Variants in TEP1 observed in about 807,000 individuals in gnomAD.
TEP1 encodes telomerase protein component 1.
TEP1 carries 241 observed loss-of-function variants against 306.3 expected under a neutral mutation model. That is an observed-to-expected ratio of 0.79 (90% CI 0.71 to 0.88). The LOEUF (loss-of-function observed/expected upper bound fraction) is 0.88, where lower values mean the gene tolerates loss of function less well. TEP1 is among the 40% of genes least tolerant of loss of function. The pLI, the probability that TEP1 is intolerant of heterozygous loss-of-function variation, is 0.00. For missense variants in TEP1, 3,051 were observed against 3,276.1 expected, an observed-to-expected ratio of 0.93 and a Z score of 1.68; for synonymous variants, 1,289 against 1,305.5, an observed-to-expected ratio of 0.99 and a Z score of 0.27.
intron 7 of TEP1, among the ~76,000 whole-genome samples, chr14:20,402,806 A>G (rs114848862): frequency 0.027 from 4,072 of 152,284 alleles, 182 homozygotes; most frequent in African/African-American, 0.093. Context: ...TGAAAGGTAT[A>G]TATTTCATAA....
intron 17 of TEP1, 129 bp downstream of exon 17, chr14:20,389,109 C>T: frequency 1.2e-6 from 1 of 821,928 alleles, no homozygotes; most frequent in South Asian, 1.7e-5. Context: ...GATTGTGCCA[C>T]TGCACTCCAG....
Position 20,371,157 on chromosome 14 carries a change from G to T in TEP1, c.7317+61C>A, listed in dbSNP as rs759843238. ...CCCTATCCTCCATGACGGGCCCCAA[G>T]GTGTAAAAACACTGGTCCTAGACGA... is the stretch of plus-strand genomic sequence containing the variant. On this transcript the variant is annotated intron_variant, in intron 51 of 54. Transcript: ENST00000262715. 14 of 1,441,624 alleles carry T rather than the reference G, an allele frequency of 9.7e-6. 1 individual carries two copies. In the African/African-American group the frequency reaches 1.7e-4, roughly 17 times the overall value. The allele number at this position is 1,441,624 out of a possible 1,614,324, so 89.3% of individuals were successfully genotyped here. A position where few individuals can be genotyped will look rare whatever the true frequency, so the allele number is the denominator to read the frequency against.
chr14:20,371,270 T>G lies in TEP1; in HGVS notation c.7265A>C (p.Glu2422Ala), dbSNP rs1233100851. 1.9e-6 allele frequency: 3 copies of G among 1,614,222 alleles called. No homozygotes were observed. In the South Asian group the frequency reaches 3.3e-5, roughly 18 times the overall value. ...ENPMILSTHK[E>A]YGIFVLQPKD... is the part of the protein sequence containing the mutation. ...GGGCTGCAGGACAAATATGCCATAC[T>G]CCTTGTGGGTGGACAATATCATAGG... The change falls in exon 51 of 55, where the codon GAG becomes GCG. Residue 2422 changes from glutamate (E) to alanine (A), a missense_variant. Transcript: ENST00000262715.
At position 20,378,791 on chromosome 14, in the gene TEP1, C is replaced by A. The variant is rs8022805; in HGVS notation, c.5315G>T (p.Arg1772Leu). The A allele has an allele frequency of 6.2e-7, 1 of 1,614,028 alleles. No homozygotes were observed. Among genetic ancestry groups the A allele is most frequent in the Non-Finnish European group, 8.5e-7 (1 of 1,180,002 alleles). ...ITGCCLSPDC[R>L]LLATVCLGGC... ...TCCCAAGCACACGGTGGCTAGCAGC[C>A]GGCAGTCTGGGCTCAGGCAGCAGCC... The change falls in exon 37 of 55, where the codon CGG becomes CTG. Residue 1772 changes from arginine to leucine, a missense_variant. Arg to Leu is a moderately radical substitution (Grantham distance 102). This residue lies in a region of TEP1 where 1,540 missense variants were observed against 1,705.9 expected (regional missense o/e 0.90). Transcript: ENST00000262715.
intron 9 of TEP1, among the ~76,000 whole-genome samples, chr14:20,397,210 G>A (rs1878278963): frequency 6.6e-6 from 1 of 152,130 alleles, no homozygotes; most frequent in South Asian, 2.1e-4. Context: ...TTTTTAGATG[G>A]CCAAAAGAGA....
chr14:20,369,308 C>T (rs1478528994), intron 53 of TEP1, 36 bp downstream of exon 53: 11 of 1,610,004 alleles, frequency 6.8e-6, no homozygotes, highest in Non-Finnish European at 7.6e-6. Context: ...GCTCCCAGCC[C>T]TCCCCTAGTA....
chr14:20,405,898 C>T (rs1302067286), intron 3 of TEP1, among the ~76,000 whole-genome samples: 2 of 151,502 alleles, frequency 1.3e-5, no homozygotes, highest in African/African-American at 4.9e-5. Context: ...CCTGTAATTC[C>T]AGCTACTCAG....
intron 11 of TEP1, 42 bp from the exon 12 acceptor site, chr14:20,395,669 T>C (rs1284663791): frequency 7.0e-6 from 11 of 1,571,888 alleles, no homozygotes; most frequent in Non-Finnish European, 9.6e-6. Context: ...GCAGCTTCTA[T>C]TCCCTCATCT....
At position 20,406,392 on chromosome 14, in the gene TEP1, C is replaced by G; in HGVS notation, c.576G>C (p.Trp192Cys). 1.2e-6 allele frequency: 2 copies of G among 1,614,044 alleles called. No individual in the cohort carries two copies. The highest frequency in any genetic ancestry group is 1.7e-6 in the Non-Finnish European group (2 of 1,179,992). ...ETAQEATLGRWFDSEEKKGAE... is the reference protein window; with the variant it reads ...ETAQEATLGRCFDSEEKKGAE... ...CCCCTTTCTTCTCTTCTGAATCAAA[C>G]CAACGACCCTGGGGTAGTAGTGGCA... Residue 192 changes from tryptophan to cysteine, a missense_variant, in exon 3 of 55, where the codon TGG becomes TGC. Physicochemically the swap from Trp to Cys is radical, Grantham distance 215. Coordinates refer to ENST00000262715, the MANE Select transcript of TEP1 (RefSeq NM_007110.5).
intron 12 of TEP1, among the ~76,000 whole-genome samples, chr14:20,395,056 A>G (rs1878077853): frequency 6.6e-6 from 1 of 152,216 alleles, no homozygotes; most frequent in Non-Finnish European, 1.5e-5. Flanking sequence ...AAAAAGATGA[A>G]TGGGTCAAAA....
chr14:20,368,578 T>G lies in TEP1; in HGVS notation c.7762-19A>C, dbSNP rs1035804298. On this transcript the variant is annotated intron_variant, in intron 54 of 54. Transcript: ENST00000262715. ...GGCCCAGCTACGATGGGAACAAAAATAGGGGAGGTCAGGGCTACAAGCCTC... is the reference window on the plus strand; with the variant it reads ...GGCCCAGCTACGATGGGAACAAAAAGAGGGGAGGTCAGGGCTACAAGCCTC... The G allele has an allele frequency of 8.1e-6, 13 of 1,613,746 alleles. No homozygotes were observed. The Admixed American group carries it at 1.2e-4, about 14-fold the overall frequency.
chr14:20,403,758 C>T lies in TEP1; in HGVS notation c.1159G>A (p.Ala387Thr). The T allele has an allele frequency of 6.2e-7, 1 of 1,614,026 alleles. No individual in the cohort carries two copies. ...LAKYNPRKHR[A>T]KRHPRRPPRS... ...GGTGGCCGGCGGGGGTGTCTCTTGG[C>T]CCGGTGCTTCCGAGGGTTGTACTTA... Residue 387 changes from alanine (A) to threonine (T), a missense_variant, in exon 6 of 55, where the codon GCC becomes ACC. Coordinates refer to ENST00000262715, the MANE Select transcript of TEP1 (RefSeq NM_007110.5).
chr14:20,374,472 T>A lies in TEP1; in HGVS notation c.6428A>T (p.Gln2143Leu). 1 of 1,613,526 alleles carries A rather than the reference T, an allele frequency of 6.2e-7. No individual in the cohort carries two copies. The highest frequency in any genetic ancestry group is 8.5e-7 in the Non-Finnish European group (1 of 1,179,948). ...CACAGCACTCTGATGACCCAGGAAC[T>A]GACCAAGCCGCTGTCCTGACTCTGG... Reference protein sequence around the residue: ...WDPESGQRLGQFLGHQSAVSA... With the variant: ...WDPESGQRLGLFLGHQSAVSA... The change falls in exon 44 of 55, where the codon CAG (glutamine) becomes CTG (leucine). Residue 2143 changes from glutamine to leucine, a missense_variant. By Grantham distance (113) the Gln-to-Leu change is moderately radical. Transcript: ENST00000262715.
rs1339292229 is a variant in TEP1, at chr14:20,403,897, G to C, written c.1033-13C>G. 1.9e-6 allele frequency: 3 copies of C among 1,614,020 alleles called. No homozygotes were observed. In the South Asian group the frequency reaches 3.3e-5, roughly 18 times the overall value. On this transcript the variant is annotated splice_polypyrimidine_tract_variant and intron_variant, in intron 5 of 54. Coordinates refer to ENST00000262715, the MANE Select transcript of TEP1 (RefSeq NM_007110.5). ...CCTCAGCCAGGCTCTGTCAAAGAGA[G>C]AGGAGAGACCACTAGAAGCAAGACC...
chr14:20,404,239 CAGCTACTT>C (rs1878984264), intron 5 of TEP1, among the ~76,000 whole-genome samples: 1 of 151,942 alleles, frequency 6.6e-6, no homozygotes, highest in African/African-American at 2.4e-5. Context: ...CCTGTAATCC[CAGCTACTT>C]GGGAGGCTGA....
chr14:20,388,197 C>G (rs1877371604), intron 17 of TEP1, 134 bp from the exon 18 acceptor site: 1 of 880,734 alleles, frequency 1.1e-6, no homozygotes, highest in African/African-American at 1.7e-5. Flanking sequence ...AAGAAGAGGA[C>G]CATAAGCAGT....
At chr14:20,370,080 ATTT>A (rs1283550291) in intron 51 of TEP1, among the ~76,000 whole-genome samples, 1 of 152,070 alleles carries the variant, frequency 6.6e-6, no homozygotes, top group Admixed American at 6.5e-5. Flanking sequence ...CACCCAGCTG[ATTT>A]TTTTATTTTT....
intron 11 of TEP1, 103 bp downstream of exon 11, chr14:20,395,756 C>T (rs2139139215): frequency 3.3e-6 from 5 of 1,496,930 alleles, no homozygotes; most frequent in Non-Finnish European, 4.6e-6. Flanking sequence ...CACCCCGATA[C>T]ACCCTGAGAC....
In TEP1 at chr14:20,398,188, G is replaced by A. The variant is rs891491879; in HGVS notation, c.1550-1458C>T. ...AGGTCAGGAGATCAAGACCATCCTC[G>A]CTAACACGGTGAAACCCCATCTCTA... is the stretch of plus-strand genomic sequence containing the variant. On this transcript the variant is annotated intron_variant, in intron 9 of 54. Transcript: ENST00000262715. 2.6e-5 allele frequency among the ~76,000 whole-genome samples: 4 copies of A among 151,902 alleles called. No individual in the cohort carries two copies. In the East Asian group the frequency reaches 5.8e-4, roughly 22 times the overall value.
Sources: gnomAD v4.1 joint callset for allele counts (sites outside exome capture counted in the v4.1 genomes callset) on GRCh38, gnomAD v4.1.1 for gene constraint, gnomAD v4.1.1 regional missense constraint, MANE v1.5 for transcripts, NCBI Gene and HGNC (gene_info 2026-07-23, HGNC 2026-07-21) for gene names.